NRXN1: variants seen among roughly 807,000 people sequenced by gnomAD.
NRXN1 encodes the protein neurexin-1.
Under a neutral mutation model 150.9 loss-of-function variants are expected in NRXN1, and 39 were observed. That is an observed-to-expected ratio of 0.26 (90% confidence interval 0.20 to 0.34). The LOEUF is 0.34. NRXN1 is among the 10% of genes least tolerant of loss of function. NRXN1 has a pLI of 1.00. For synonymous variants in NRXN1, 924 were observed against 757.0 expected, an observed-to-expected ratio of 1.22 and a Z score of -3.62; for missense variants, 1,815 against 1,949.9, an observed-to-expected ratio of 0.93 and a Z score of 1.30.
chr2:50,184,698 CTCTCTCTG>C (rs1210025479), intron 18 of NRXN1, among the ~76,000 whole-genome samples: 1 of 151,248 alleles, frequency 6.6e-6, no homozygotes, highest in Non-Finnish European at 1.5e-5. Flanking sequence ...AGTGTGCTGT[CTCTCTCTG>C]TCTCTCTGTC....
In NRXN1 at chr2:49,951,239, T is replaced by A. The variant is rs1673900199; in HGVS notation, c.4129-7448A>T. 2.6e-5 allele frequency among the ~76,000 whole-genome samples: 4 copies of A among 151,814 alleles called. No homozygotes were observed. The South Asian group carries it at 8.3e-4, about 32-fold the overall frequency. ...AGAATAAAACTGAATTTTTGAGTAATCAAAAAATAACATATTTTAGCAAAC... is the reference window on the plus strand; with the variant it reads ...AGAATAAAACTGAATTTTTGAGTAAACAAAAAATAACATATTTTAGCAAAC... On this transcript the variant is annotated intron_variant, in intron 21 of 22. Coordinates refer to ENST00000401669, the MANE Select transcript of NRXN1 (RefSeq NM_001330078.2).
At chr2:50,030,607 G>T (rs1015141001) in intron 21 of NRXN1, among the ~76,000 whole-genome samples, 4 of 152,144 alleles carry the variant, frequency 2.6e-5, no homozygotes, top group African/African-American at 9.6e-5. Flanking sequence ...TATTGCAATA[G>T]CCTTGATTAA....
intron 5 of NRXN1, among the ~76,000 whole-genome samples, chr2:50,831,137 G>A (rs1671353420): frequency 6.6e-6 from 1 of 152,106 alleles, no homozygotes; most frequent in South Asian, 2.1e-4. Context: ...GTACAATTAA[G>A]TTATTAAAAC....
intron 17 of NRXN1, among the ~76,000 whole-genome samples, chr2:50,417,776 A>C (rs1252596048): frequency 6.6e-6 from 1 of 151,976 alleles, no homozygotes; most frequent in East Asian, 1.9e-4. Flanking sequence ...TAAAGAAACA[A>C]AGAAGAAATG....
intron 5 of NRXN1, among the ~76,000 whole-genome samples, chr2:50,856,914 C>T (rs921604198): frequency 6.6e-6 from 1 of 152,044 alleles, no homozygotes; most frequent in African/African-American, 2.4e-5. Context: ...ATAACTAGCT[C>T]TAGCCTATCC....
chr2:50,004,129 A>G (rs1253013717), intron 21 of NRXN1, among the ~76,000 whole-genome samples: 1 of 152,118 alleles, frequency 6.6e-6, no homozygotes, highest in Non-Finnish European at 1.5e-5. Context: ...AGATGGAGAT[A>G]GAGATAGGCA....
At chr2:49,985,161 A>T (rs1224858959) in intron 21 of NRXN1, among the ~76,000 whole-genome samples, 1 of 152,176 alleles carries the variant, frequency 6.6e-6, no homozygotes, top group Non-Finnish European at 1.5e-5. Context: ...AATTTCCATA[A>T]GGTATCAATA....
intron 21 of NRXN1, among the ~76,000 whole-genome samples, chr2:49,967,760 A>G (rs1260734732): frequency 6.6e-6 from 1 of 152,030 alleles, no homozygotes; most frequent in African/African-American, 2.4e-5. Flanking sequence ...CTTGCAATTG[A>G]AATCTTACTG....
chr2:50,673,844 T>C (rs909927159), intron 5 of NRXN1, among the ~76,000 whole-genome samples: 2 of 151,978 alleles, frequency 1.3e-5, no homozygotes, highest in African/African-American at 4.8e-5. Context: ...AACTACACCA[T>C]GGAATACTAT....
intron 21 of NRXN1, among the ~76,000 whole-genome samples, chr2:49,966,909 G>C (rs968607082): frequency 1.3e-5 from 2 of 152,044 alleles, no homozygotes; most frequent in African/African-American, 4.8e-5. Context: ...AGGGTAGAAA[G>C]AAAAAGCAGG....
intron 16 of NRXN1, 29 bp downstream of exon 16, chr2:50,472,269 T>C: frequency 6.6e-7 from 1 of 1,506,928 alleles, no homozygotes; most frequent in Non-Finnish European, 8.9e-7. Context: ...ATTAGAATTA[T>C]TTAGAGCATG....
chr2:50,308,592 G>A (rs1159271364), intron 17 of NRXN1, among the ~76,000 whole-genome samples: 1 of 152,022 alleles, frequency 6.6e-6, no homozygotes, highest in Non-Finnish European at 1.5e-5. Context: ...GGCATCAAGG[G>A]ATCCTTCCAC....
intron 17 of NRXN1, among the ~76,000 whole-genome samples, chr2:50,355,602 T>C (rs1347928231): frequency 6.6e-6 from 1 of 152,178 alleles, no homozygotes; most frequent in African/African-American, 2.4e-5. Context: ...CTATTCTCTC[T>C]GTAAAACTAT....
At chr2:49,985,621 A>T (rs1417705964) in intron 21 of NRXN1, among the ~76,000 whole-genome samples, 1 of 152,210 alleles carries the variant, frequency 6.6e-6, no homozygotes, top group Non-Finnish European at 1.5e-5. Flanking sequence ...ATGCTACATT[A>T]ATTGCTTTGA....
chr2:50,429,080 T>C (rs1351219916), intron 17 of NRXN1, among the ~76,000 whole-genome samples: 1 of 152,102 alleles, frequency 6.6e-6, no homozygotes, highest in Non-Finnish European at 1.5e-5. Flanking sequence ...TTTTTGGAAA[T>C]AATTTTAAAA....
intron 22 of NRXN1, among the ~76,000 whole-genome samples, chr2:49,926,873 G>A (rs1477080025): frequency 1.3e-5 from 2 of 152,170 alleles, no homozygotes; most frequent in Non-Finnish European, 2.9e-5. Flanking sequence ...CTTCAGTACA[G>A]ACCAGAGAGG....
chr2:50,019,847 C>T (rs1225566371), intron 21 of NRXN1, among the ~76,000 whole-genome samples: 2 of 147,340 alleles, frequency 1.4e-5, no homozygotes, highest in East Asian at 4.1e-4. Flanking sequence ...ACTCCGGAGG[C>T]TGAGGCAGGA....
intron 18 of NRXN1, among the ~76,000 whole-genome samples, chr2:50,222,074 G>A (rs766418937): frequency 2.0e-5 from 3 of 151,950 alleles, no homozygotes; most frequent in East Asian, 1.9e-4. Context: ...TGTGTAGAAG[G>A]TGAAGAACAC....
At chr2:50,645,539 T>G (rs774227451) in intron 5 of NRXN1, among the ~76,000 whole-genome samples, 3 of 151,918 alleles carry the variant, frequency 2.0e-5, no homozygotes, top group African/African-American at 7.2e-5. Flanking sequence ...GGGACTTTTG[T>G]TGTTATGGTA....
Sources: gnomAD v4.1 joint callset for allele counts (sites outside exome capture counted in the v4.1 genomes callset) on GRCh38, gnomAD v4.1.1 for gene constraint, MANE v1.5 for transcripts, NCBI Gene and HGNC (gene_info 2026-07-23, HGNC 2026-07-21) for gene names.